The following KLHL20 variants were observed in gnomAD, a reference collection of about 807,000 sequenced individuals.
KLHL20 encodes the protein kelch like family member 20, also known as kelch-like protein 20.
Under a neutral mutation model 69.5 loss-of-function variants are expected in KLHL20, and 29 were observed. That is an observed-to-expected ratio of 0.42 (90% CI 0.31 to 0.57). KLHL20 has a LOEUF of 0.57. KLHL20 is among the 20% of genes least tolerant of loss of function. The pLI is 0.18. For synonymous variants in KLHL20, 253 were observed against 265.2 expected (o/e 0.95, Z 0.45); for missense variants, 419 against 776.0 (o/e 0.54, Z 5.47).
chr1:173,781,448 C>T (rs919761671), intron 10 of KLHL20, among the ~76,000 whole-genome samples: 3 of 151,916 alleles, frequency 2.0e-5, no homozygotes, highest in East Asian at 1.9e-4. Flanking sequence ...TCCAAGTAGC[C>T]GGGACTACAG....
Position 173,733,833 on chromosome 1 carries a change from C to A in KLHL20, c.144C>A (p.Asp48Glu). Residue 48 changes from aspartate to glutamate, a missense_variant, in exon 3 of 12, where the codon GAC (aspartate) becomes GAA (glutamate). By Grantham distance (45) the Asp-to-Glu change is conservative. Coordinates refer to ENST00000209884, the MANE Select transcript of KLHL20 (RefSeq NM_014458.4). ...CTGCCCGCATGCCCTATATCTCAGA[C>A]AAGCACCCTCGACAAACCTTGGAAG... ...PQPARMPYISDKHPRQTLEVI... is the reference protein window; with the variant it reads ...PQPARMPYISEKHPRQTLEVI... 2 of 1,614,122 alleles carry A rather than the reference C, an allele frequency of 1.2e-6. No individual in the cohort carries two copies. Among genetic ancestry groups the A allele is most frequent in the African/African-American group, 2.7e-5 (2 of 75,030 alleles).
At chr1:173,750,097 A>G (rs1673235377) in intron 3 of KLHL20, among the ~76,000 whole-genome samples, 1 of 152,206 alleles carries the variant, frequency 6.6e-6, no homozygotes, top group South Asian at 2.1e-4. Context: ...TCTAATTACT[A>G]AATTACCTAA....
chr1:173,755,827 C>T, intron 5 of KLHL20, 96 bp from the exon 6 acceptor site: 3 of 729,888 alleles, frequency 4.1e-6, no homozygotes, highest in South Asian at 3.6e-5. Flanking sequence ...TTTATGCTTG[C>T]TTCCCTTTGC....
At chr1:173,731,339 C>A (rs940193857) in intron 2 of KLHL20, among the ~76,000 whole-genome samples, 2 of 152,138 alleles carry the variant, frequency 1.3e-5, no homozygotes, top group African/African-American at 2.4e-5. Context: ...ACTAGAAATA[C>A]CATTTGACCC....
intron 8 of KLHL20, 121 bp downstream of exon 8, chr1:173,766,410 C>A: frequency 4.0e-6 from 3 of 746,194 alleles, no homozygotes; most frequent in Non-Finnish European, 5.7e-6. Context: ...TTTGGAAGGC[C>A]AAGGCAGGTG....
intron 3 of KLHL20, among the ~76,000 whole-genome samples, chr1:173,739,473 G>A (rs1672691945): frequency 1.3e-5 from 2 of 151,772 alleles, no homozygotes; most frequent in Non-Finnish European, 2.9e-5. Flanking sequence ...CAATCTCACT[G>A]TTGTTATTGG....
intron 2 of KLHL20, among the ~76,000 whole-genome samples, chr1:173,716,498 T>C (rs1273801914): frequency 6.6e-6 from 1 of 152,176 alleles, no homozygotes; most frequent in Non-Finnish European, 1.5e-5. Context: ...ACATTTGTTC[T>C]GTTAATTAAA....
chr1:173,737,679 T>C (rs1672600209), intron 3 of KLHL20, among the ~76,000 whole-genome samples: 1 of 151,724 alleles, frequency 6.6e-6, no homozygotes, highest in Non-Finnish European at 1.5e-5. Context: ...TGCTTAGCCT[T>C]CCTTTGGGTA....
chr1:173,754,578 C>T (rs1571900873), intron 5 of KLHL20, among the ~76,000 whole-genome samples: 1 of 126,546 alleles, frequency 7.9e-6, no homozygotes, highest in South Asian at 2.4e-4. Context: ...AAGTGAAACT[C>T]AGTCTCAAAA....
Position 173,739,905 on chromosome 1 carries a change from T to C in KLHL20, c.597+5619T>C, listed in dbSNP as rs567072394. Among the ~76,000 whole-genome samples, 9 of 151,806 alleles carry C rather than the reference T, an allele frequency of 5.9e-5. No homozygotes were observed. In the East Asian group the frequency reaches 9.8e-4, roughly 16 times the overall value. ...ATCTGCCCACCTTGGCGTCCCAAAG[T>C]GTTGGGATTACAGGCGTGAGCCACC... On this transcript the variant is annotated intron_variant, in intron 3 of 11. Coordinates refer to ENST00000209884, the MANE Select transcript of KLHL20 (RefSeq NM_014458.4).
intron 7 of KLHL20, among the ~76,000 whole-genome samples, chr1:173,765,500 C>G (rs566614778): frequency 6.7e-6 from 1 of 148,376 alleles, no homozygotes; most frequent in South Asian, 2.1e-4. Flanking sequence ...GAGACTCCGT[C>G]TCAAAAAAAA....
rs56317032 is a variant in KLHL20 at position 173,743,260 on chromosome 1, G to T, written c.598-8504G>T. Among the ~76,000 whole-genome samples the T allele has an allele frequency of 5.8e-3, 877 of 151,850 alleles. 9 individuals are homozygous for T. The highest frequency in any genetic ancestry group is 0.02 in the African/African-American group (838 of 41,458). ...GAAAAATACTATTTAAACTTTATTTGAAAAATATTCAAATTTATAGGAAAT... is the reference window on the plus strand; with the variant it reads ...GAAAAATACTATTTAAACTTTATTTTAAAAATATTCAAATTTATAGGAAAT... On this transcript the variant is annotated intron_variant, in intron 3 of 11. Transcript: ENST00000209884.
At chr1:173,746,633 T>C (rs994823156) in intron 3 of KLHL20, among the ~76,000 whole-genome samples, 3 of 152,122 alleles carry the variant, frequency 2.0e-5, no homozygotes, top group Non-Finnish European at 4.4e-5. Flanking sequence ...GTGTTTTTAA[T>C]GTTTCTTTCC....
chr1:173,727,676 G>A (rs764627725), intron 2 of KLHL20, among the ~76,000 whole-genome samples: 46 of 152,010 alleles, frequency 3.0e-4, no homozygotes, highest in African/African-American at 8.5e-4. Context: ...GGAGAAATAA[G>A]ATCCTTTACA....
rs547783686 is a variant in KLHL20 at position 173,760,236 on chromosome 1, C to T, written c.1151+3077C>T. Among the ~76,000 whole-genome samples, 3 of 152,220 alleles carry T rather than the reference C, an allele frequency of 2.0e-5. No individual in the cohort carries two copies. The South Asian group carries it at 6.2e-4, about 32-fold the overall frequency. On this transcript the variant is annotated intron_variant, in intron 7 of 11. Transcript: ENST00000209884. ...TCTGGGATTATGTTAAACAACCAAA[C>T]CTGAGAATAATCGGTATATCCGAGG... is the stretch of plus-strand genomic sequence containing the variant.
At chr1:173,749,454 A>G (rs1206932082) in intron 3 of KLHL20, among the ~76,000 whole-genome samples, 1 of 152,190 alleles carries the variant, frequency 6.6e-6, no homozygotes, top group Non-Finnish European at 1.5e-5. Flanking sequence ...GATATTGTGA[A>G]GCATTATTTT....
chr1:173,732,775 G>A (rs756399348), intron 2 of KLHL20, among the ~76,000 whole-genome samples: 2 of 151,932 alleles, frequency 1.3e-5, no homozygotes, highest in Non-Finnish European at 2.9e-5. Context: ...TAATCATACC[G>A]AAACCTCAGT....
At chr1:173,751,013 C>A (rs367691389) in intron 3 of KLHL20, among the ~76,000 whole-genome samples, 1 of 152,274 alleles carries the variant, frequency 6.6e-6, no homozygotes, top group African/African-American at 2.4e-5. Context: ...TAATAGACAT[C>A]ACATGTAGTA....
intron 2 of KLHL20, 121 bp downstream of exon 2, chr1:173,716,187 C>CCTG: frequency 1.2e-6 from 1 of 820,836 alleles, no homozygotes; most frequent in Admixed American, 2.6e-5. Flanking sequence ...GAGTCTTGTT[C>CCTG]TACAATAAAT....
Sources: gnomAD v4.1 joint callset for allele counts (sites outside exome capture counted in the v4.1 genomes callset) on GRCh38, gnomAD v4.1.1 for gene constraint, MANE v1.5 for transcripts, NCBI Gene and HGNC (gene_info 2026-07-23, HGNC 2026-07-21) for gene names.